C12orf42: variants seen among roughly 807,000 people sequenced by gnomAD.
C12orf42 encodes the protein uncharacterized protein C12orf42.
Under a neutral mutation model 21.6 loss-of-function variants are expected in C12orf42, and 25 were observed. The observed-to-expected ratio is 1.16, with a 90% confidence interval of 0.84 to 1.62. The LOEUF (loss-of-function observed/expected upper bound fraction) is 1.62. Among genes scored for constraint, C12orf42 ranks in the 40% most tolerant of loss-of-function variants. C12orf42 has a pLI of 0.00. For synonymous variants in C12orf42, 174 were observed against 175.0 expected (o/e 0.99, Z 0.05); for missense variants, 483 against 459.3 (o/e 1.05, Z -0.47).
At chr12:103,275,019 T>TC (rs1199664224) in intron 5 of C12orf42, among the ~76,000 whole-genome samples, 1 of 152,144 alleles carries the variant, frequency 6.6e-6, no homozygotes, top group Non-Finnish European at 1.5e-5. Flanking sequence ...AAATCATGAC[T>TC]CTTTTTTTTC....
At chr12:103,168,487 C>T in the C12orf42 span, among the ~76,000 whole-genome samples, 1 of 152,136 alleles carries the variant, frequency 6.6e-6, no homozygotes, top group Non-Finnish European at 1.5e-5. Context: ...CTATGTTATA[C>T]TTGCTTTACA....
At chr12:103,388,931 G>A (rs1197118172) in intron 3 of C12orf42, among the ~76,000 whole-genome samples, 1 of 152,214 alleles carries the variant, frequency 6.6e-6, no homozygotes. Context: ...GGGAAGACTG[G>A]TGGCCCAGGC....
chr12:103,153,045 G>C, the C12orf42 span, among the ~76,000 whole-genome samples: 1 of 152,030 alleles, frequency 6.6e-6, no homozygotes, highest in Non-Finnish European at 1.5e-5. Context: ...AGCAAAAAAA[G>C]GTATTGTCAC....
the C12orf42 span, among the ~76,000 whole-genome samples, chr12:103,118,998 G>A: frequency 6.6e-6 from 1 of 151,852 alleles, no homozygotes; most frequent in Non-Finnish European, 1.5e-5. Context: ...CCTCTCCTAC[G>A]GTAATTATTA....
intron 4 of C12orf42, among the ~76,000 whole-genome samples, chr12:103,350,012 A>C (rs1182349307): frequency 6.6e-6 from 1 of 152,194 alleles, no homozygotes. Context: ...GGAAAGGGTT[A>C]AATGTATTTG....
chr12:103,516,826 A>G, the C12orf42 span, among the ~76,000 whole-genome samples: 1 of 152,228 alleles, frequency 6.6e-6, no homozygotes, highest in South Asian at 2.1e-4. Flanking sequence ...ACAAATGACA[A>G]AAGCAATAAG....
At chr12:103,205,121 C>A in the C12orf42 span, among the ~76,000 whole-genome samples, 1 of 152,038 alleles carries the variant, frequency 6.6e-6, no homozygotes, top group African/African-American at 2.4e-5. Flanking sequence ...AGATGACAAT[C>A]AAAAATAGTA....
chr12:103,275,526 C>A (rs911887435), intron 5 of C12orf42, among the ~76,000 whole-genome samples: 7 of 152,014 alleles, frequency 4.6e-5, no homozygotes, highest in African/African-American at 1.7e-4. Flanking sequence ...GTAATCCTGA[C>A]CTTAGATAAA....
chr12:103,067,938 G>C, the C12orf42 span, among the ~76,000 whole-genome samples: 1 of 152,168 alleles, frequency 6.6e-6, no homozygotes, highest in Non-Finnish European at 1.5e-5. Flanking sequence ...GCGTCTCTTA[G>C]TATTGCCCTG....
intron 4 of C12orf42, among the ~76,000 whole-genome samples, chr12:103,329,324 G>C (rs1040804334): frequency 1.3e-5 from 2 of 152,068 alleles, no homozygotes; most frequent in African/African-American, 4.8e-5. Flanking sequence ...TACTAAGAAA[G>C]TCCAATGAGA....
chr12:103,296,123 T>C (rs1490564629), intron 4 of C12orf42, among the ~76,000 whole-genome samples: 7 of 151,338 alleles, frequency 4.6e-5, no homozygotes, highest in Non-Finnish European at 8.8e-5. Context: ...GTTTGGTTTT[T>C]TGTCCTTGTG....
intron 4 of C12orf42, among the ~76,000 whole-genome samples, chr12:103,325,849 A>T (rs1015784991): frequency 3.3e-5 from 5 of 152,144 alleles, no homozygotes; most frequent in African/African-American, 1.2e-4. Context: ...GCTTCCTATG[A>T]CAACTTAAAG....
the C12orf42 span, among the ~76,000 whole-genome samples, chr12:103,197,853 G>T: frequency 6.6e-6 from 1 of 152,194 alleles, no homozygotes; most frequent in Non-Finnish European, 1.5e-5. Context: ...GCACTCCTGG[G>T]CTGCATGCTG....
the C12orf42 span, among the ~76,000 whole-genome samples, chr12:103,133,345 A>C: frequency 6.6e-6 from 1 of 152,246 alleles, no homozygotes; most frequent in Non-Finnish European, 1.5e-5. Context: ...CCACCTACCC[A>C]GTCCACTATT....
chr12:103,301,348 C>T (rs2037635090), downstream of C12orf42, among the ~76,000 whole-genome samples: 1 of 152,090 alleles, frequency 6.6e-6, no homozygotes, highest in Non-Finnish European at 1.5e-5. Context: ...AAAAACCCTA[C>T]TATATTAAAA....
At chr12:103,361,171 A>G (rs2044067790) in intron 4 of C12orf42, among the ~76,000 whole-genome samples, 1 of 152,156 alleles carries the variant, frequency 6.6e-6, no homozygotes, top group Non-Finnish European at 1.5e-5. Context: ...TTCCTCCTGC[A>G]GGACCCAGGA....
chr12:103,078,161 G>T, the C12orf42 span, among the ~76,000 whole-genome samples: 1 of 152,096 alleles, frequency 6.6e-6, no homozygotes, highest in African/African-American at 2.4e-5. Flanking sequence ...GGTATTAATT[G>T]CCTTTTATGT....
chr12:103,424,324 T>C (rs1256705321), intron 2 of C12orf42, among the ~76,000 whole-genome samples: 1 of 152,276 alleles, frequency 6.6e-6, no homozygotes, highest in Non-Finnish European at 1.5e-5. Flanking sequence ...TCATTTGTGA[T>C]GATCTCCTAT....
intron 1 of C12orf42, among the ~76,000 whole-genome samples, chr12:103,489,405 G>A (rs573406754): frequency 6.6e-6 from 1 of 152,236 alleles, no homozygotes; most frequent in Admixed American, 6.5e-5. Context: ...CTACACAGGG[G>A]TCAGGGACTC....
Sources: allele counts gnomAD v4.1 joint callset (sites outside exome capture counted in the v4.1 genomes callset), GRCh38; gene constraint gnomAD v4.1.1; transcripts MANE v1.5; gene names NCBI Gene and HGNC (gene_info 2026-07-23, HGNC 2026-07-21).